Variants in PCDH15 observed in about 807,000 individuals in gnomAD.
PCDH15 encodes the protein protocadherin related 15.
PCDH15 carries 129 observed loss-of-function variants against 178.5 expected under a neutral mutation model. That is an observed-to-expected ratio of 0.72 (90% CI 0.63 to 0.84). PCDH15 has a LOEUF of 0.84. Ranked by LOEUF, PCDH15 falls within the 40% of genes least tolerant of loss-of-function variation. The pLI is 0.00. For missense variants in PCDH15, 2,230 were observed against 2,099.9 expected, an observed-to-expected ratio of 1.06 and a Z score of -1.21; for synonymous variants, 800 against 732.0, an observed-to-expected ratio of 1.09 and a Z score of -1.50.
chr10:54,694,761 C>T lies in PCDH15; in HGVS notation c.-28-30471G>A, dbSNP rs117111085. On this transcript the variant is annotated intron_variant, in intron 1 of 37. Transcript: ENST00000644397. ...TGACTGCTCCACCCACTTCAGCTTCCCTGTTTCCAGAGGCACACAATATTC... is the reference window on the plus strand; with the variant it reads ...TGACTGCTCCACCCACTTCAGCTTCTCTGTTTCCAGAGGCACACAATATTC... Among the ~76,000 whole-genome samples, 1,068 of 152,096 alleles carry T rather than the reference C, an allele frequency of 7.0e-3. 3 individuals carry two copies. The highest frequency in any genetic ancestry group is 0.012 in the Non-Finnish European group (798 of 67,998).
chr10:55,234,105 T>C (rs1841305736), intron 1 of PCDH15, among the ~76,000 whole-genome samples: 1 of 152,060 alleles, frequency 6.6e-6, no homozygotes, highest in African/African-American at 2.4e-5. Context: ...CCTTCCCCTC[T>C]TGACACGCAC....
intron 2 of PCDH15, among the ~76,000 whole-genome samples, chr10:55,622,540 G>A (rs1211899279): frequency 1.3e-5 from 2 of 151,924 alleles, no homozygotes; most frequent in African/African-American, 4.8e-5. Flanking sequence ...CTCAGCTGTA[G>A]GATGCAGTCC....
intron 2 of PCDH15, among the ~76,000 whole-genome samples, chr10:54,660,660 CAA>C (rs987862664): frequency 2.0e-5 from 3 of 151,834 alleles, no homozygotes; most frequent in Non-Finnish European, 2.9e-5. Context: ...CACATACACA[CAA>C]AGAAAACTAC....
At chr10:54,048,564 T>C (rs548206940) in intron 18 of PCDH15, among the ~76,000 whole-genome samples, 5 of 152,320 alleles carry the variant, frequency 3.3e-5, no homozygotes, top group African/African-American at 1.2e-4. Context: ...CATCTTGACA[T>C]ACTTTTTATA....
At chr10:53,854,739 G>A (rs529676624) in intron 28 of PCDH15, among the ~76,000 whole-genome samples, 158 of 152,074 alleles carry the variant, frequency 1.0e-3, no homozygotes, top group Non-Finnish European at 9.3e-4. Context: ...ACCATTCACC[G>A]AATAGTCATA....
intron 17 of PCDH15, among the ~76,000 whole-genome samples, chr10:54,067,773 A>G (rs2094165278): frequency 6.6e-6 from 1 of 152,094 alleles, no homozygotes; most frequent in South Asian, 2.1e-4. Flanking sequence ...ATAAATAAAA[A>G]GGAGGAGGAA....
intron 1 of PCDH15, among the ~76,000 whole-genome samples, chr10:55,214,168 T>C (rs1410280152): frequency 6.6e-6 from 1 of 152,044 alleles, no homozygotes; most frequent in Non-Finnish European, 1.5e-5. Flanking sequence ...TATCACTTTA[T>C]ATGTCATCAA....
intron 21 of PCDH15, among the ~76,000 whole-genome samples, chr10:53,988,264 T>C (rs2660180): frequency 0.067 from 10,152 of 152,126 alleles, 532 homozygotes; most frequent in African/African-American, 0.14. Context: ...ATGTACTCCT[T>C]GGTTTGATAA....
chr10:54,777,740 T>G (rs182419764), intron 1 of PCDH15, among the ~76,000 whole-genome samples: 37 of 152,328 alleles, frequency 2.4e-4, no homozygotes, highest in Non-Finnish European at 4.6e-4. Context: ...CTGCCTTTTG[T>G]ACTTATTTGA....
chr10:55,148,257 G>A (rs1321930343), intron 2 of PCDH15, among the ~76,000 whole-genome samples: 1 of 151,782 alleles, frequency 6.6e-6, no homozygotes, highest in African/African-American at 2.4e-5. Flanking sequence ...TTGAGTTGAG[G>A]TATTAATATT....
At chr10:54,462,806 A>G in intron 3 of PCDH15, among the ~76,000 whole-genome samples, 1 of 146,960 alleles carries the variant, frequency 6.8e-6, no homozygotes, top group Non-Finnish European at 1.5e-5. Context: ...CTGGGATTAC[A>G]GGTGTGAGCC....
chr10:55,618,837 C>G (rs540550771), intron 2 of PCDH15, among the ~76,000 whole-genome samples: 2 of 151,914 alleles, frequency 1.3e-5, no homozygotes, highest in African/African-American at 4.8e-5. Context: ...AGATCCATGA[C>G]ATAAAGAAAA....
intron 2 of PCDH15, among the ~76,000 whole-genome samples, chr10:55,457,068 T>C (rs1176646971): frequency 6.6e-6 from 1 of 152,054 alleles, no homozygotes; most frequent in Non-Finnish European, 1.5e-5. Context: ...GAGCTGAGCA[T>C]ACAATGTGAA....
chr10:54,401,899 T>C (rs1281969300), intron 3 of PCDH15, among the ~76,000 whole-genome samples: 1 of 151,902 alleles, frequency 6.6e-6, no homozygotes, highest in Non-Finnish European at 1.5e-5. Context: ...TGGTTTTTGA[T>C]GCTAGCATAA....
chr10:53,891,985 A>C (rs1237988493), intron 26 of PCDH15, among the ~76,000 whole-genome samples: 1 of 150,996 alleles, frequency 6.6e-6, no homozygotes, highest in Non-Finnish European at 1.5e-5. Flanking sequence ...AACAAACAAA[A>C]AAGTTTCCAG....
At chr10:54,677,465 G>A (rs183936046) in intron 1 of PCDH15, among the ~76,000 whole-genome samples, 78 of 152,236 alleles carry the variant, frequency 5.1e-4, no homozygotes, top group Middle Eastern at 3.4e-3. Flanking sequence ...ATAATAGCGT[G>A]TGTGCATGGC....
chr10:54,470,223 C>G (rs886725843), intron 3 of PCDH15, among the ~76,000 whole-genome samples: 2 of 152,152 alleles, frequency 1.3e-5, no homozygotes, highest in African/African-American at 2.4e-5. Context: ...TTAGTACACA[C>G]GAGCAGATAG....
In PCDH15 at chr10:55,329,496, T is replaced by C. The variant is rs147369570; in HGVS notation, c.-155-162845A>G. ...AAAAAATTCAGAACCACTTTTTAGA[T>C]AGGACATGAATTCTATTGAGAAATG... On this transcript the variant is annotated intron_variant, in intron 2 of 5. Transcript: ENST00000613346. Among the ~76,000 whole-genome samples the C allele has an allele frequency of 2.0e-5, 3 of 151,810 alleles. No individual in the cohort carries two copies. The East Asian group carries it at 5.8e-4, about 29-fold the overall frequency.
chr10:55,125,633 C>G (rs148399869), intron 2 of PCDH15, among the ~76,000 whole-genome samples: 2 of 151,960 alleles, frequency 1.3e-5, no homozygotes, highest in African/African-American at 4.8e-5. Flanking sequence ...ATATCCATTA[C>G]GAGAGAAAAA....
Sources: allele counts gnomAD v4.1 joint callset (sites outside exome capture counted in the v4.1 genomes callset), GRCh38; gene constraint gnomAD v4.1.1; transcripts MANE v1.5; gene names NCBI Gene and HGNC (gene_info 2026-07-23, HGNC 2026-07-21).